The following PCDHA1 variants were observed in gnomAD, a reference collection of about 807,000 sequenced individuals.
PCDHA1 encodes protocadherin alpha 1.
Under a neutral mutation model 61.3 loss-of-function variants are expected in PCDHA1, and 42 were observed. The ratio of observed to expected loss-of-function variants is 0.69; its 90% confidence interval spans 0.54 to 0.89. The LOEUF is 0.89. Ranked by LOEUF, PCDHA1 falls within the 40% of genes least tolerant of loss-of-function variation. The pLI is 0.00. For synonymous variants in PCDHA1, 610 were observed against 553.8 expected, an observed-to-expected ratio of 1.10 and a Z score of -1.43; for missense variants, 1,256 against 1,235.3, an observed-to-expected ratio of 1.02 and a Z score of -0.25.
In PCDHA1 at chr5:140,788,073, C is replaced by T; in HGVS notation, c.1783C>T (p.Arg595Cys). 1 of 1,614,008 alleles carries T rather than the reference C, an allele frequency of 6.2e-7. No homozygotes were observed. The highest frequency in any genetic ancestry group is 8.5e-7 in the Non-Finnish European group (1 of 1,179,912). ...VGAGHVVAKV[R>C]AVDADSGYNA... ...TGCGGGTCATGTGGTGGCGAAGGTGCGCGCAGTGGACGCCGACTCGGGCTA... is the reference window on the plus strand; with the variant it reads ...TGCGGGTCATGTGGTGGCGAAGGTGTGCGCAGTGGACGCCGACTCGGGCTA... The change falls in exon 1 of 4, where the codon CGC (arginine) becomes TGC (cysteine). Residue 595 changes from arginine (R) to cysteine (C), a missense_variant. Physicochemically the swap from Arg to Cys is radical, Grantham distance 180. Transcript: ENST00000504120.
intron 1 of PCDHA1, chr5:140,853,468 T>A: frequency 1.0e-6 from 1 of 970,862 alleles, no homozygotes. Flanking sequence ...TATGCATCTG[T>A]AGTTAACATT....
rs151227383 is a variant in PCDHA1 at position 140,808,720 on chromosome 5, T to C, written c.2394+20036T>C. 2.3e-4 allele frequency: 366 copies of C among 1,612,062 alleles called. 1 individual carries two copies. In the African/African-American group the frequency reaches 3.8e-3, roughly 17 times the overall value. The stretch of plus-strand genomic sequence containing the variant: ...CGCTGTCGAGCTACGTTTCGGTGCA[T>C]GCGGAGAGCGGCAAGGTGTACGCGC... On this transcript the variant is annotated intron_variant, in intron 1 of 3. Coordinates refer to ENST00000504120, the MANE Select transcript of PCDHA1 (RefSeq NM_018900.4).
At chr5:140,904,858 CTGTT>C (rs1335177457) in intron 1 of PCDHA1, among the ~76,000 whole-genome samples, 1 of 152,072 alleles carries the variant, frequency 6.6e-6, no homozygotes, top group Non-Finnish European at 1.5e-5. Context: ...TGAGAATTGT[CTGTT>C]TATGTCCTTA....
intron 1 of PCDHA1, among the ~76,000 whole-genome samples, chr5:140,932,637 T>C (rs1554209011): frequency 6.6e-6 from 1 of 151,870 alleles, no homozygotes; most frequent in African/African-American, 2.4e-5. Context: ...TAAAAAACTT[T>C]AGAATGATGA....
intron 1 of PCDHA1, chr5:140,808,126 C>T: frequency 1.2e-6 from 2 of 1,613,832 alleles, no homozygotes; most frequent in Non-Finnish European, 1.7e-6. Context: ...TTGAAGAAAG[C>T]AAATCCTATG....
In PCDHA1 at chr5:140,787,101, G is replaced by C. The variant is rs115085380; in HGVS notation, c.811G>C (p.Glu271Gln). The C allele has an allele frequency of 4.6e-3, 7,369 of 1,614,152 alleles. 42 individuals carry two copies. Among genetic ancestry groups the C allele is most frequent in the Non-Finnish European group, 5.2e-3 (6,157 of 1,179,980 alleles). Reference protein sequence around the residue: ...VTTLNASDADEGVNGEVVFSF... With the variant: ...VTTLNASDADQGVNGEVVFSF... ...CACATTAAATGCCTCTGATGCTGAC[G>C]AAGGTGTAAATGGTGAAGTCGTCTT... The change falls in exon 1 of 4, where the codon GAA becomes CAA. Residue 271 changes from glutamate to glutamine, a missense_variant. Glu to Gln is a conservative substitution (Grantham distance 29). Coordinates refer to ENST00000504120, the MANE Select transcript of PCDHA1 (RefSeq NM_018900.4).
At chr5:140,912,824 A>T (rs1391588183) in intron 1 of PCDHA1, among the ~76,000 whole-genome samples, 3 of 152,170 alleles carry the variant, frequency 2.0e-5, no homozygotes, top group Non-Finnish European at 4.4e-5. Flanking sequence ...AGGGATTTTG[A>T]ATTTTATTAA....
intron 1 of PCDHA1, chr5:140,866,543 G>A (rs1329299752): frequency 3.3e-5 from 5 of 152,066 alleles, no homozygotes; most frequent in South Asian, 2.1e-4. Context: ...TTAGCATCAC[G>A]GAATAAATCC....
intron 1 of PCDHA1, chr5:140,968,136 T>C (rs1554230395): frequency 1.2e-6 from 2 of 1,614,102 alleles, no homozygotes; most frequent in South Asian, 2.2e-5. Flanking sequence ...ACACTGAAGG[T>C]TGAGATCTCT....
chr5:141,004,933 AAAAT>A (rs1336216932), intron 3 of PCDHA1, among the ~76,000 whole-genome samples: 1 of 152,198 alleles, frequency 6.6e-6, no homozygotes, highest in Non-Finnish European at 1.5e-5. Flanking sequence ...AAGAGAGAAG[AAAAT>A]TTCTTACCCT....
intron 1 of PCDHA1, among the ~76,000 whole-genome samples, chr5:140,826,740 T>C (rs2150145244): frequency 7.9e-5 from 12 of 152,076 alleles, no homozygotes; most frequent in African/African-American, 2.7e-4. Context: ...GTCTATATTG[T>C]CAGAAAAATA....
At chr5:140,797,047 G>A (rs781930925) in intron 1 of PCDHA1, 2 of 1,613,754 alleles carry the variant, frequency 1.2e-6, no homozygotes, top group East Asian at 2.2e-5. Context: ...TACGCTGGTG[G>A]ATGTCAACGT....
At position 140,834,719 on chromosome 5, in the gene PCDHA1, G is replaced by A. The variant is rs141120342; in HGVS notation, c.2394+46035G>A. On this transcript the variant is annotated intron_variant, in intron 1 of 3. Coordinates refer to ENST00000504120, the MANE Select transcript of PCDHA1 (RefSeq NM_018900.4). ...TCCACCTGGAGGTGATCGTGGAAAG[G>A]CCGCTGCAGGTTTTCCATGTGGACG... 8.2e-5 allele frequency: 132 copies of A among 1,614,242 alleles called. No homozygotes were observed. In the African/African-American group the frequency reaches 1.7e-3, roughly 21 times the overall value.
At chr5:140,876,207 C>A (rs251377) in intron 1 of PCDHA1, 776,282 of 1,613,510 alleles carry the variant, frequency 0.48, 188,573 homozygotes, top group South Asian at 0.57. Flanking sequence ...TTGATAAGCC[C>A]AGCTATAAAG....
intron 1 of PCDHA1, among the ~76,000 whole-genome samples, chr5:140,961,980 T>C (rs909552255): frequency 6.6e-6 from 1 of 151,768 alleles, no homozygotes; most frequent in Non-Finnish European, 1.5e-5. Context: ...GCCTCCTGGG[T>C]TCACGCCATT....
At chr5:140,997,572 G>T (rs1457109655) in intron 3 of PCDHA1, among the ~76,000 whole-genome samples, 1 of 152,068 alleles carries the variant, frequency 6.6e-6, no homozygotes, top group Non-Finnish European at 1.5e-5. Context: ...CATATGTGTG[G>T]TCCGTTGTTG....
chr5:140,849,199 A>T (rs1581177103), intron 1 of PCDHA1: 1 of 1,039,344 alleles, frequency 9.6e-7, no homozygotes, highest in African/African-American at 2.0e-5. Flanking sequence ...GTACTGGACA[A>T]CAATGACAAT....
At chr5:140,852,257 T>G (rs1417638818) in intron 1 of PCDHA1, 1 of 512,112 alleles carries the variant, frequency 2.0e-6, no homozygotes, top group Non-Finnish European at 2.6e-6. Context: ...TTTTGGAATA[T>G]GCTACAATAT....
chr5:140,805,863 G>A (rs1030165), intron 1 of PCDHA1, among the ~76,000 whole-genome samples: 87,659 of 151,856 alleles, frequency 0.58, 25,928 homozygotes, highest in African/African-American at 0.7. Flanking sequence ...TTAAATTAAT[G>A]CATTTTATTA....
Sources: allele counts gnomAD v4.1 joint callset (sites outside exome capture counted in the v4.1 genomes callset), GRCh38; gene constraint gnomAD v4.1.1; transcripts MANE v1.5; gene names NCBI Gene and HGNC (gene_info 2026-07-23, HGNC 2026-07-21).